The following WWOX variants were observed in gnomAD, a reference collection of about 807,000 sequenced individuals.
The protein encoded by WWOX is WW domain-containing oxidoreductase.
In WWOX, 69 loss-of-function variants were observed where a neutral mutation model predicts 46.2. That is an observed-to-expected ratio of 1.49 (90% CI 1.23 to 1.82). The LOEUF is 1.82. WWOX is among the 40% of genes most tolerant of loss of function. The pLI, the probability that WWOX is intolerant of heterozygous loss-of-function variation, is 0.00. For missense variants in WWOX, 919 were observed against 542.6 expected (o/e 1.69, Z -6.89); for synonymous variants, 359 against 202.6 (o/e 1.77, Z -6.56).
intron 4 of WWOX, among the ~76,000 whole-genome samples, chr16:78,120,601 G>T (rs925188823): frequency 1.3e-5 from 2 of 151,710 alleles, no homozygotes; most frequent in Admixed American, 1.3e-4. Context: ...AAAATTTCAT[G>T]CAGGGAATCC....
intron 8 of WWOX, chr16:78,872,893 G>T (rs1278030046): frequency 1.3e-5 from 2 of 152,242 alleles, no homozygotes; most frequent in Non-Finnish European, 2.9e-5. Flanking sequence ...GGCCTCCAGG[G>T]CTCAAGCAGT....
intron 8 of WWOX, among the ~76,000 whole-genome samples, chr16:79,079,115 G>A (rs1025931035): frequency 2.6e-5 from 4 of 152,162 alleles, no homozygotes; most frequent in Non-Finnish European, 4.4e-5. Context: ...AACATCCAAG[G>A]TAGCTGTACC....
intron 8 of WWOX, among the ~76,000 whole-genome samples, chr16:79,119,210 C>T (rs1358181408): frequency 6.6e-6 from 1 of 151,608 alleles, no homozygotes; most frequent in Non-Finnish European, 1.5e-5. Flanking sequence ...AAAATCATTA[C>T]TAATATGATA....
At chr16:78,698,031 A>G (rs1421670707) in intron 8 of WWOX, among the ~76,000 whole-genome samples, 1 of 152,196 alleles carries the variant, frequency 6.6e-6, no homozygotes, top group African/African-American at 2.4e-5. Context: ...TGTGTTTCAA[A>G]GGGCTTATAA....
chr16:78,933,260 A>G (rs541586955), intron 8 of WWOX, among the ~76,000 whole-genome samples: 4 of 152,334 alleles, frequency 2.6e-5, no homozygotes, highest in African/African-American at 9.6e-5. Flanking sequence ...CCAACTTGGC[A>G]AAACCCAGTG....
chr16:78,518,621 T>G (rs926401472), intron 8 of WWOX, among the ~76,000 whole-genome samples: 1 of 152,192 alleles, frequency 6.6e-6, no homozygotes, highest in Non-Finnish European at 1.5e-5. Context: ...TAGCAACATG[T>G]ATTTACTGGG....
chr16:78,825,598 A>G (rs1367229777), intron 8 of WWOX: 2 of 531,060 alleles, frequency 3.8e-6, no homozygotes, highest in African/African-American at 1.9e-5. Flanking sequence ...CTGCAGTACA[A>G]ACTCCTAGGA....
intron 8 of WWOX, among the ~76,000 whole-genome samples, chr16:78,980,472 T>C (rs1333745574): frequency 6.6e-6 from 1 of 152,236 alleles, no homozygotes; most frequent in Non-Finnish European, 1.5e-5. Flanking sequence ...TTTTCACAAT[T>C]AATTGTGCCG....
chr16:78,631,082 TACAG>T (rs2046417561), intron 8 of WWOX, among the ~76,000 whole-genome samples: 1 of 152,178 alleles, frequency 6.6e-6, no homozygotes, highest in African/African-American at 2.4e-5. Flanking sequence ...ATTTAAAGTG[TACAG>T]GAGCATCACA....
At chr16:78,730,697 C>T (rs868207337) in intron 8 of WWOX, among the ~76,000 whole-genome samples, 1 of 148,454 alleles carries the variant, frequency 6.7e-6, no homozygotes, top group Non-Finnish European at 1.5e-5. Flanking sequence ...TGGGCTCAAG[C>T]GATACTCCCT....
At chr16:78,108,378 G>C (rs1262018811) in intron 1 of WWOX, 45 bp from the exon 2 acceptor site, 2 of 1,581,402 alleles carry the variant, frequency 1.3e-6, no homozygotes, top group Admixed American at 3.4e-5. Flanking sequence ...CTTTTTAGAA[G>C]AGTTAATTTT....
chr16:78,795,361 A>G (rs1694765356), intron 8 of WWOX, among the ~76,000 whole-genome samples: 1 of 152,166 alleles, frequency 6.6e-6, no homozygotes, highest in African/African-American at 2.4e-5. Flanking sequence ...TTAACACCAT[A>G]TGCTTCTGTC....
chr16:78,612,771 C>G (rs761950433), intron 8 of WWOX, among the ~76,000 whole-genome samples: 1 of 152,172 alleles, frequency 6.6e-6, no homozygotes, highest in African/African-American at 2.4e-5. Context: ...GCCACCCCAC[C>G]CAGCCCATGT....
intron 8 of WWOX, among the ~76,000 whole-genome samples, chr16:79,195,544 C>T (rs887960863): frequency 6.6e-6 from 1 of 152,144 alleles, no homozygotes; most frequent in African/African-American, 2.4e-5. Flanking sequence ...CTCAGCAGCA[C>T]ACTACAATAT....
At chr16:78,611,722 A>T (rs551128514) in intron 8 of WWOX, among the ~76,000 whole-genome samples, 2 of 152,338 alleles carry the variant, frequency 1.3e-5, no homozygotes, top group Admixed American at 1.3e-4. Flanking sequence ...TATATTTCTC[A>T]CTTATGGTGC....
In WWOX at chr16:78,286,344, A is replaced by G. The variant is rs1440198704; in HGVS notation, c.517-100516A>G. Among the ~76,000 whole-genome samples the G allele has an allele frequency of 2.6e-5, 4 of 152,364 alleles. No homozygotes were observed. In the East Asian group the frequency reaches 5.8e-4, roughly 22 times the overall value. ...TAATGTTTTGAAGTAGATTTTTTTC[A>G]GCAAATATTGCAGCCCCAGATGAGG... On this transcript the variant is annotated intron_variant, in intron 5 of 8. Transcript: ENST00000566780.
intron 8 of WWOX, among the ~76,000 whole-genome samples, chr16:79,163,024 C>T (rs1268282194): frequency 2.6e-5 from 4 of 152,238 alleles, no homozygotes; most frequent in Non-Finnish European, 5.9e-5. Context: ...TCAACAGTCA[C>T]ATGCAAGTAT....
intron 8 of WWOX, among the ~76,000 whole-genome samples, chr16:78,733,156 A>T (rs892966550): frequency 6.6e-6 from 1 of 152,184 alleles, no homozygotes; most frequent in Non-Finnish European, 1.5e-5. Context: ...TTATGTTTTT[A>T]TGCACAGCTA....
intron 4 of WWOX, among the ~76,000 whole-genome samples, chr16:78,116,834 C>T (rs1230362865): frequency 1.3e-5 from 2 of 152,188 alleles, no homozygotes; most frequent in East Asian, 3.9e-4. Context: ...TAGCTAGACT[C>T]TTTTTCTGTA....
Sources: allele counts gnomAD v4.1 joint callset (sites outside exome capture counted in the v4.1 genomes callset), GRCh38; gene constraint gnomAD v4.1.1; transcripts MANE v1.5; gene names NCBI Gene and HGNC (gene_info 2026-07-23, HGNC 2026-07-21).